HIF3A: variants seen among roughly 807,000 people sequenced by gnomAD.
HIF3A encodes the protein hypoxia inducible factor 3 subunit alpha.
A neutral mutation model predicts 67.2 loss-of-function variants in HIF3A; 41 were observed. That is an observed-to-expected ratio of 0.61 (90% CI 0.48 to 0.79). The LOEUF is 0.79. HIF3A is among the 30% of genes least tolerant of loss of function. The pLI is 0.00. For missense variants in HIF3A, 855 were observed against 898.0 expected (o/e 0.95, Z 0.61); for synonymous variants, 356 against 374.8 (o/e 0.95, Z 0.58).
chr19:46,318,962 C>A (rs1970151178), intron 8 of HIF3A, among the ~76,000 whole-genome samples: 1 of 152,142 alleles, frequency 6.6e-6, no homozygotes, highest in African/African-American at 2.4e-5. Flanking sequence ...CAAGATCACA[C>A]CACTGTGTAA....
At chr19:46,330,026 AAAG>A (rs1264297902) in intron 12 of HIF3A, among the ~76,000 whole-genome samples, 3 of 149,522 alleles carry the variant, frequency 2.0e-5, no homozygotes, top group Admixed American at 1.3e-4. Context: ...GGGAGGAAGG[AAAG>A]AAGAAGGAAG....
chr19:46,308,123 A>G (rs916299459), intron 3 of HIF3A, 98 bp from the exon 4 acceptor site: 1 of 826,008 alleles, frequency 1.2e-6, no homozygotes, highest in African/African-American at 1.7e-5. Context: ...GACTGGTGAA[A>G]TCATCCAGGC....
At chr19:46,318,614 TTTTA>T (rs545980944) in intron 8 of HIF3A, among the ~76,000 whole-genome samples, 3 of 150,176 alleles carry the variant, frequency 2.0e-5, no homozygotes, top group African/African-American at 2.5e-5. Flanking sequence ...TTAAATTTCA[TTTTA>T]TTTATTTATT....
intron 14 of HIF3A, among the ~76,000 whole-genome samples, chr19:46,336,047 T>C (rs2147318328): frequency 6.6e-6 from 1 of 151,612 alleles, no homozygotes; most frequent in Admixed American, 6.6e-5. Flanking sequence ...TCTCTATTTA[T>C]TTATTTTCAC....
chr19:46,329,142 G>T, intron 11 of HIF3A, 65 bp from the exon 12 acceptor site: 1 of 1,459,290 alleles, frequency 6.9e-7, no homozygotes. Context: ...GATGGTGCTG[G>T]GACTTCAGCC....
At chr19:46,308,835 G>A in intron 5 of HIF3A, 60 bp downstream of exon 5, 1 of 1,167,308 alleles carries the variant, frequency 8.6e-7, no homozygotes, top group Admixed American at 2.1e-5. Flanking sequence ...AGCCCTGAAA[G>A]ATCTTGAAGG....
chr19:46,308,065 G>C (rs1969051884), intron 3 of HIF3A, among the ~76,000 whole-genome samples, 156 bp from the exon 4 acceptor site: 1 of 152,204 alleles, frequency 6.6e-6, no homozygotes, highest in Admixed American at 6.5e-5. Context: ...TTGCTCAGTG[G>C]GTGGATGGAT....
At position 46,297,333 on chromosome 19, in the gene HIF3A, T is replaced by C. The variant is rs1005473277; in HGVS notation, c.26+231T>C. Among the ~76,000 whole-genome samples, 29 of 152,164 alleles carry C rather than the reference T, an allele frequency of 1.9e-4. No individual in the cohort carries two copies. Among genetic ancestry groups the C allele is most frequent in the African/African-American group, 6.3e-4 (26 of 41,540 alleles). On this transcript the variant is annotated intron_variant, in intron 1 of 14. Transcript: ENST00000377670. The surrounding 1 kb of genome is among the most constrained non-coding windows in gnomAD (Gnocchi z 4.5). ...CCTCTGGCCAAGAGCGGCTTCGGGG[T>C]TCCCGATTTCTCGCTACCCAAGGCT...
chr19:46,331,632 G>A (rs1971236540), intron 13 of HIF3A: 1 of 159,750 alleles, frequency 6.3e-6, no homozygotes, highest in South Asian at 1.8e-4. Flanking sequence ...GAGGCAGGTG[G>A]ATCACCTGAG....
At chr19:46,298,510 C>T (rs1397846796) in intron 1 of HIF3A, 17 of 1,277,856 alleles carry the variant, frequency 1.3e-5, no homozygotes, top group Middle Eastern at 2.2e-4. Flanking sequence ...GGGGCCTGGG[C>T]GATGGTGAGT....
chr19:46,324,402 A>G (rs1178463909), intron 10 of HIF3A, among the ~76,000 whole-genome samples: 3 of 152,090 alleles, frequency 2.0e-5, no homozygotes, highest in East Asian at 1.9e-4. Flanking sequence ...GACTGTCTTC[A>G]TCCCCACTCT....
chr19:46,337,356 T>A, intron 14 of HIF3A, among the ~76,000 whole-genome samples: 1 of 152,068 alleles, frequency 6.6e-6, no homozygotes, highest in Non-Finnish European at 1.5e-5. Context: ...GCTCAAGCGA[T>A]CCTCCCATCT....
Position 46,321,830 on chromosome 19 carries a change from C to G in HIF3A, c.1199C>G (p.Ala400Gly). The G allele has an allele frequency of 6.2e-7, 1 of 1,613,946 alleles. No individual in the cohort carries two copies. ...CTGCACCCGCCTTCCCTGAGCGAGGCTGCCCTGGCCGCTGACCCCCGCCGT... is the reference window on the plus strand; with the variant it reads ...CTGCACCCGCCTTCCCTGAGCGAGGGTGCCCTGGCCGCTGACCCCCGCCGT... ...AFLHPPSLSE[A>G]ALAADPRRFC... Residue 400 changes from alanine (A) to glycine (G), a missense_variant, in exon 10 of 15, where the codon GCT becomes GGT. Around this residue, in one of 3 missense-constraint regions of HIF3A, gnomAD observed 638 missense variants for 660.5 expected, o/e 0.97. Coordinates refer to ENST00000377670, the MANE Select transcript of HIF3A (RefSeq NM_152795.4).
intron 6 of HIF3A, among the ~76,000 whole-genome samples, chr19:46,311,493 C>A (rs1049823179): frequency 6.6e-6 from 1 of 152,170 alleles, no homozygotes. Flanking sequence ...TCTGGAGGCT[C>A]CAGGAAAGAA....
intron 10 of HIF3A, among the ~76,000 whole-genome samples, chr19:46,325,217 G>A (rs892252055): frequency 6.6e-6 from 1 of 151,810 alleles, no homozygotes; most frequent in Admixed American, 6.6e-5. Flanking sequence ...AGCTGGTCTC[G>A]AATTCCTGAC....
At chr19:46,302,160 C>G (rs1174828331) in intron 1 of HIF3A, among the ~76,000 whole-genome samples, 1 of 151,916 alleles carries the variant, frequency 6.6e-6, no homozygotes, top group Non-Finnish European at 1.5e-5. Context: ...GACGGAGTCT[C>G]ACTCTGTCGC....
At chr19:46,322,006 C>G in intron 10 of HIF3A, 40 bp downstream of exon 10, 1 of 1,593,806 alleles carries the variant, frequency 6.3e-7, no homozygotes, top group Admixed American at 1.7e-5. Context: ...GCATCCAGTG[C>G]TCAGTCCCTC....
chr19:46,311,302 G>A (rs951326853), intron 6 of HIF3A, among the ~76,000 whole-genome samples: 1 of 152,150 alleles, frequency 6.6e-6, no homozygotes, highest in Non-Finnish European at 1.5e-5. Flanking sequence ...TCAGAAATTT[G>A]AAATGAGGCC....
At chr19:46,327,824 C>T (rs1938034563) in intron 11 of HIF3A, among the ~76,000 whole-genome samples, 1 of 152,126 alleles carries the variant, frequency 6.6e-6, no homozygotes, top group Non-Finnish European at 1.5e-5. Context: ...GAATACAGAT[C>T]AGAAACAGAC....
Sources: allele counts gnomAD v4.1 joint callset (sites outside exome capture counted in the v4.1 genomes callset), GRCh38; gene constraint gnomAD v4.1.1; regional missense constraint gnomAD v4.1.1; non-coding constraint Gnocchi (gnomAD v3.1); transcripts MANE v1.5; gene names NCBI Gene and HGNC (gene_info 2026-07-23, HGNC 2026-07-21).